DOCK9: variants seen among roughly 807,000 people sequenced by gnomAD.
DOCK9 encodes dedicator of cytokinesis protein 9.
DOCK9 carries 89 observed loss-of-function variants against 263.3 expected under a neutral mutation model. The observed-to-expected ratio is 0.34, with a 90% CI of 0.28 to 0.40. The LOEUF (loss-of-function observed/expected upper bound fraction) is 0.40. Ranked by LOEUF, DOCK9 falls within the 10% of genes least tolerant of loss-of-function variation. DOCK9 has a pLI of 1.00. For missense variants in DOCK9, 2,140 were observed against 2,603.4 expected, an observed-to-expected ratio of 0.82 and a Z score of 3.87; for synonymous variants, 976 against 973.1, an observed-to-expected ratio of 1.00 and a Z score of -0.06.
intron 16 of DOCK9, 29 bp from the exon 17 acceptor site, chr13:98,888,576 T>C (rs1456847838): frequency 1.2e-6 from 2 of 1,612,808 alleles, no homozygotes. Context: ...TAACTCAAAC[T>C]GAAGTAAAAC....
rs1272533256 is a variant in DOCK9, at chr13:99,008,231, TATA to T, written c.130-52683_130-52681del. On this transcript the variant is annotated intron_variant, in intron 1 of 32. Transcript: ENST00000427887. ...CTCTCTCTATATATATATATATATA[TATA>T]TTTTTTTTTTTTTTTGAGACGAAGT... 2.3e-3 allele frequency among the ~76,000 whole-genome samples: 257 copies of T among 113,290 alleles called. 2 individuals are homozygous for T. The highest frequency in any genetic ancestry group is 5.2e-3 in the East Asian group (21 of 4,002). 74.3% of individuals were successfully genotyped at this position (113,290 alleles called of 152,430 possible).
At chr13:99,084,764 A>G (rs917794717) in intron 1 of DOCK9, among the ~76,000 whole-genome samples, 1 of 152,236 alleles carries the variant, frequency 6.6e-6, no homozygotes, top group Non-Finnish European at 1.5e-5. Flanking sequence ...TGACCACGGC[A>G]GGCCCCAGAT....
intron 9 of DOCK9, among the ~76,000 whole-genome samples, chr13:98,912,234 T>G (rs996933925): frequency 6.6e-6 from 1 of 152,136 alleles, no homozygotes. Context: ...AAAGAGTACA[T>G]GTATAAGTCC....
At chr13:98,893,383 C>T (rs1404206237) in intron 15 of DOCK9, among the ~76,000 whole-genome samples, 11 of 152,166 alleles carry the variant, frequency 7.2e-5, no homozygotes, top group Non-Finnish European at 1.5e-4. Context: ...TTCGCATTTC[C>T]TGCAGAAGTT....
chr13:98,887,479 G>A (rs2045945094), intron 18 of DOCK9, among the ~76,000 whole-genome samples: 1 of 151,336 alleles, frequency 6.6e-6, no homozygotes, highest in Non-Finnish European at 1.5e-5. Context: ...AGCGGGGTGT[G>A]GTGGCAGGCT....
At chr13:98,953,344 GC>G (rs1489275455) in intron 2 of DOCK9, among the ~76,000 whole-genome samples, 1 of 152,166 alleles carries the variant, frequency 6.6e-6, no homozygotes, top group Non-Finnish European at 1.5e-5. Flanking sequence ...GAATATTTGT[GC>G]CTGCTATCAC....
chr13:99,050,396 T>C (rs542980894), intron 1 of DOCK9, among the ~76,000 whole-genome samples: 45 of 152,236 alleles, frequency 3.0e-4, no homozygotes, highest in Middle Eastern at 3.4e-3. Context: ...TATTCTCCCA[T>C]CCAATCAACA....
chr13:98,915,488 G>T lies in DOCK9; in HGVS notation c.733C>A (p.Arg245Ser). 6.2e-7 allele frequency: 1 copy of T among 1,611,992 alleles called. No individual in the cohort carries two copies. The highest frequency in any genetic ancestry group is 1.7e-4 in the Middle Eastern group (1 of 6,048). The stretch of plus-strand genomic sequence containing the variant: ...TGCATCTTGAGCTCAAAAGCAAAAC[G>T]CCTGACTTTGTTGTTCTGAAATGAA... The part of the protein sequence containing the change: ...MGVVQNNKVR[R>S]FAFELKMQDK... Residue 245 changes from arginine (R) to serine (S), a missense_variant, in exon 8 of 53, where the codon CGT becomes AGT. Around this residue, in one of 2 missense-constraint regions of DOCK9, gnomAD observed 1,521 missense variants for 1,741.7 expected, o/e 0.87. Coordinates refer to ENST00000682017, the MANE Select transcript of DOCK9 (RefSeq NM_001366683.2).
intron 39 of DOCK9, among the ~76,000 whole-genome samples, chr13:98,837,166 A>G (rs769363768): frequency 6.6e-6 from 1 of 152,242 alleles, no homozygotes; most frequent in Non-Finnish European, 1.5e-5. Flanking sequence ...ATATTTAAAG[A>G]TATTCAAGGC....
chr13:99,009,107 C>T (rs1384957178), intron 1 of DOCK9, among the ~76,000 whole-genome samples: 1 of 152,188 alleles, frequency 6.6e-6, no homozygotes, highest in African/African-American at 2.4e-5. Flanking sequence ...CTAGTTTATA[C>T]TTTAATAAAT....
chr13:98,954,039 C>G (rs1210055739), intron 2 of DOCK9, among the ~76,000 whole-genome samples: 1 of 148,946 alleles, frequency 6.7e-6, no homozygotes, highest in East Asian at 2.1e-4. Context: ...CTTCAAGGAT[C>G]GTAATTTAAC....
intron 1 of DOCK9, among the ~76,000 whole-genome samples, chr13:98,985,526 T>A (rs1218418564): frequency 6.6e-6 from 1 of 152,176 alleles, no homozygotes; most frequent in African/African-American, 2.4e-5. Flanking sequence ...TACTGAAGGC[T>A]CAGGATCCTC....
At chr13:98,844,177 C>T (rs1337872131) in intron 38 of DOCK9, among the ~76,000 whole-genome samples, 1 of 152,068 alleles carries the variant, frequency 6.6e-6, no homozygotes, top group Non-Finnish European at 1.5e-5. Context: ...AGTCAAAGCC[C>T]CAACAGAAAA....
intron 33 of DOCK9, chr13:98,856,824 G>A (rs2093717766): frequency 6.6e-6 from 1 of 152,312 alleles, no homozygotes; most frequent in South Asian, 2.1e-4. Flanking sequence ...CTAATAAAGA[G>A]AACTGCTGGG....
At chr13:98,998,768 T>G (rs1040442189) in intron 1 of DOCK9, among the ~76,000 whole-genome samples, 1 of 152,188 alleles carries the variant, frequency 6.6e-6, no homozygotes, top group Non-Finnish European at 1.5e-5. Flanking sequence ...CTCCAATGAT[T>G]ACCATATAGT....
At chr13:99,086,251 G>T in exon 1 of DOCK9, 2 of 1,503,112 alleles carry the variant, frequency 1.3e-6, no homozygotes, top group Non-Finnish European at 1.8e-6. Context: ...CACCACCTCA[G>T]ACACGCTCTG....
chr13:98,981,438 G>A (rs1218344547), upstream of DOCK9, among the ~76,000 whole-genome samples: 1 of 152,134 alleles, frequency 6.6e-6, no homozygotes, highest in Non-Finnish European at 1.5e-5. Flanking sequence ...TACAAGGCTG[G>A]CAATGTGTTT....
intron 2 of DOCK9, among the ~76,000 whole-genome samples, chr13:98,945,709 CT>C (rs944443682): frequency 2.0e-5 from 3 of 152,210 alleles, no homozygotes; most frequent in Admixed American, 6.5e-5. Flanking sequence ...AAAGACCCCC[CT>C]CTTGGTTGAT....
intron 2 of DOCK9, among the ~76,000 whole-genome samples, chr13:98,938,791 C>T (rs553319886): frequency 6.6e-6 from 1 of 152,206 alleles, no homozygotes; most frequent in Admixed American, 6.5e-5. Flanking sequence ...GTATGCAAAT[C>T]CTTGGGATAT....
Sources: gnomAD v4.1 joint callset for allele counts (sites outside exome capture counted in the v4.1 genomes callset) on GRCh38, gnomAD v4.1.1 for gene constraint, gnomAD v4.1.1 regional missense constraint, MANE v1.5 for transcripts, NCBI Gene and HGNC (gene_info 2026-07-23, HGNC 2026-07-21) for gene names.